MTUS2: variants seen among roughly 807,000 people sequenced by gnomAD.
The protein encoded by MTUS2 is microtubule associated scaffold protein 2.
MTUS2 carries 40 observed loss-of-function variants against 114.1 expected under a neutral mutation model. The ratio of observed to expected loss-of-function variants is 0.35; its 90% CI spans 0.27 to 0.46. MTUS2 has a LOEUF of 0.46. Ranked by LOEUF, MTUS2 falls within the 20% of genes least tolerant of loss-of-function variation. The probability of loss-of-function intolerance (pLI) is 1.00; values close to 1 mark genes in which losing one functional copy is unlikely to be tolerated. For synonymous variants in MTUS2, 688 were observed against 672.0 expected (o/e 1.02, Z -0.37); for missense variants, 1,679 against 1,705.4 (o/e 0.98, Z 0.27).
At chr13:28,839,708 A>G (rs1875339301) in intron 1 of MTUS2, 70 bp from the exon 2 acceptor site, 1 of 152,204 alleles carries the variant, frequency 6.6e-6, no homozygotes, top group South Asian at 2.1e-4. Context: ...ACCTATTATA[A>G]TAAAATTACT....
chr13:28,866,336 A>G (rs1353142547), intron 2 of MTUS2, among the ~76,000 whole-genome samples: 4 of 152,218 alleles, frequency 2.6e-5, no homozygotes, highest in African/African-American at 4.8e-5. Context: ...TTCAGGTATC[A>G]GAGCATCCTT....
intron 5 of MTUS2, among the ~76,000 whole-genome samples, chr13:29,204,475 C>T (rs905957931): frequency 6.6e-6 from 1 of 152,202 alleles, no homozygotes; most frequent in Non-Finnish European, 1.5e-5. Flanking sequence ...AAAGCACCTC[C>T]AGGCCTCTGG....
chr13:28,984,137 G>A (rs1884475226), intron 2 of MTUS2, among the ~76,000 whole-genome samples: 1 of 152,146 alleles, frequency 6.6e-6, no homozygotes, highest in Non-Finnish European at 1.5e-5. Context: ...CTTGAGTTAA[G>A]GACGATAGCT....
intron 2 of MTUS2, among the ~76,000 whole-genome samples, chr13:28,928,911 A>ATG (rs892289959): frequency 7.2e-5 from 11 of 152,054 alleles, no homozygotes; most frequent in Non-Finnish European, 1.2e-4. Context: ...ATGTGTGCGT[A>ATG]TGTGTGTGTG....
intron 8 of MTUS2, among the ~76,000 whole-genome samples, chr13:29,421,665 T>C (rs1421947625): frequency 6.6e-6 from 1 of 152,198 alleles, no homozygotes; most frequent in Non-Finnish European, 1.5e-5. Context: ...TGTGATACTT[T>C]GTAGAAGACA....
At chr13:29,127,797 T>A (rs1257462825) in intron 5 of MTUS2, among the ~76,000 whole-genome samples, 2 of 152,382 alleles carry the variant, frequency 1.3e-5, no homozygotes, top group Middle Eastern at 6.8e-3. Context: ...TTTCTCCATG[T>A]GCTTGTCCCA....
Position 29,320,528 on chromosome 13 carries a change from C to T in MTUS2, c.2807-4085C>T, listed in dbSNP as rs181259647. On this transcript the variant is annotated intron_variant, in intron 6 of 15. Transcript: ENST00000612955. ...AGGGAGAGGCTGAGCACTCAGCCTC[C>T]GTGAACAGCACAGGCTGAGACACCC... Among the ~76,000 whole-genome samples the T allele has an allele frequency of 4.4e-4, 67 of 152,288 alleles. No individual in the cohort carries two copies. In the East Asian group the frequency reaches 0.011, roughly 24 times the overall value.
Position 29,251,842 on chromosome 13 carries a change from G to A in MTUS2, c.2645-29862G>A, listed in dbSNP as rs192999442. Among the ~76,000 whole-genome samples, 335 of 152,238 alleles carry A rather than the reference G, an allele frequency of 2.2e-3. 1 individual carries two copies. Among genetic ancestry groups the A allele is most frequent in the Non-Finnish European group, 3.9e-3 (265 of 68,012 alleles). Reference sequence around the variant, plus strand: ...TTGTTTATTCATTTATCTGTCAATGGACATTTGGGTTGTTTCCACCTTTTG... The same window carrying A: ...TTGTTTATTCATTTATCTGTCAATGAACATTTGGGTTGTTTCCACCTTTTG... On this transcript the variant is annotated intron_variant, in intron 5 of 15. Transcript: ENST00000612955.
chr13:29,483,303 C>T (rs1023829428), intron 10 of MTUS2, among the ~76,000 whole-genome samples: 14 of 152,184 alleles, frequency 9.2e-5, no homozygotes, highest in African/African-American at 2.9e-4. Context: ...AATTGGGACT[C>T]GCCGGCCGAG....
chr13:29,087,023 A>G (rs1022624097), intron 4 of MTUS2, among the ~76,000 whole-genome samples: 2 of 152,152 alleles, frequency 1.3e-5, no homozygotes, highest in African/African-American at 2.4e-5. Context: ...AGGGTTTTCT[A>G]GGTATAGAAT....
chr13:29,061,372 T>C (rs1888409877), intron 4 of MTUS2, among the ~76,000 whole-genome samples: 2 of 152,232 alleles, frequency 1.3e-5, no homozygotes, highest in South Asian at 4.1e-4. Flanking sequence ...GGAACCGTTA[T>C]CAGCCTGTGT....
intron 11 of MTUS2, among the ~76,000 whole-genome samples, chr13:29,491,868 A>ATG (rs1455112234): frequency 1.0e-5 from 1 of 96,072 alleles, no homozygotes; most frequent in African/African-American, 4.1e-5. Flanking sequence ...CATGTATGTG[A>ATG]TGTGTGTGTG....
At chr13:29,005,449 G>C (rs1885563038) in intron 2 of MTUS2, among the ~76,000 whole-genome samples, 1 of 152,150 alleles carries the variant, frequency 6.6e-6, no homozygotes, top group Admixed American at 6.5e-5. Context: ...GAAAGTTCTG[G>C]TACAGAAAGG....
intron 4 of MTUS2, among the ~76,000 whole-genome samples, chr13:29,091,429 G>C (rs1284666183): frequency 6.6e-6 from 1 of 152,080 alleles, no homozygotes; most frequent in Non-Finnish European, 1.5e-5. Flanking sequence ...AGATATTTAA[G>C]GTCCTGTGGA....
intron 2 of MTUS2, among the ~76,000 whole-genome samples, chr13:29,015,031 A>G (rs1331130179): frequency 6.6e-6 from 1 of 152,226 alleles, no homozygotes; most frequent in East Asian, 1.9e-4. Context: ...AGCTAGACCT[A>G]GAGGCCACCC....
At chr13:29,039,388 C>A (rs147668787) in intron 4 of MTUS2, among the ~76,000 whole-genome samples, 1 of 152,228 alleles carries the variant, frequency 6.6e-6, no homozygotes, top group African/African-American at 2.4e-5. Flanking sequence ...TGCAAAGCAT[C>A]GCGCGCCGGG....
In MTUS2 at chr13:29,504,112, TGAGTAA is replaced by T; in HGVS notation, c.*911_*916del. ...GGAAAACATGGCAGAGCATGACCTTTGAGTAAGAGTGAGGATGACCTTGCAGATGAC... is the reference window on the plus strand; with the variant it reads ...GGAAAACATGGCAGAGCATGACCTTTGAGTGAGGATGACCTTGCAGATGAC... On this transcript the variant is annotated 3_prime_UTR_variant, in exon 16 of 16. Transcript: ENST00000612955. 2 of 231,914 alleles carry T rather than the reference TGAGTAA, an allele frequency of 8.6e-6. No individual in the cohort carries two copies. Among genetic ancestry groups the T allele is most frequent in the Non-Finnish European group, 1.7e-5 (2 of 117,232 alleles). 14.4% of individuals were successfully genotyped at this position (231,914 alleles called of 1,614,324 possible). A position where few individuals can be genotyped will look rare whatever the true frequency, so the allele number is the denominator to read the frequency against.
At chr13:28,853,538 G>T (rs563711486) in intron 2 of MTUS2, among the ~76,000 whole-genome samples, 1 of 152,334 alleles carries the variant, frequency 6.6e-6, no homozygotes, top group East Asian at 1.9e-4. Flanking sequence ...GCAGCTGGTG[G>T]AAGTTCCATT....
At chr13:29,189,131 A>G (rs1894343796) in intron 5 of MTUS2, among the ~76,000 whole-genome samples, 1 of 152,224 alleles carries the variant, frequency 6.6e-6, no homozygotes, top group South Asian at 2.1e-4. Context: ...AGACCCTCAC[A>G]GAAGCCTAAG....
Sources: allele counts gnomAD v4.1 joint callset (sites outside exome capture counted in the v4.1 genomes callset), GRCh38; gene constraint gnomAD v4.1.1; transcripts MANE v1.5; gene names NCBI Gene and HGNC (gene_info 2026-07-23, HGNC 2026-07-21).